The following AKAP13 variants were observed in gnomAD, a reference collection of about 807,000 sequenced individuals.
AKAP13 encodes A-kinase anchoring protein 13.
A neutral mutation model predicts 264.5 loss-of-function variants in AKAP13; 80 were observed. That is an observed-to-expected ratio of 0.30 (90% CI 0.25 to 0.36). AKAP13 has a LOEUF of 0.36. Among genes scored for constraint, AKAP13 ranks in the 10% least tolerant of loss-of-function variants. The pLI is 1.00. For synonymous variants in AKAP13, 1,380 were observed against 1,250.2 expected (o/e 1.10, Z -2.19); for missense variants, 3,712 against 3,435.2 (o/e 1.08, Z -2.01).
Position 85,581,452 on chromosome 15 carries a change from C to T in AKAP13, c.3384C>T (p.Ala1128=), listed in dbSNP as rs200852061. ...PNVLLSQEKN[A]VLGLPVALQD... is the part of the protein sequence containing the mutation. ...TCTTGTTGAGCCAAGAGAAGAATGC[C>T]GTTCTAGGTTTGCCAGTGGCTCTAC... The change falls in exon 7 of 37, where the codon GCC becomes GCT. Residue 1128 remains alanine, a synonymous_variant. Coordinates refer to ENST00000394518, the MANE Select transcript of AKAP13 (RefSeq NM_007200.5). 2.4e-5 allele frequency: 38 copies of T among 1,614,190 alleles called. No homozygotes were observed. In the Admixed American group the frequency reaches 3.3e-4, roughly 14 times the overall value.
At chr15:85,421,935 A>G (rs1397544921) in intron 1 of AKAP13, among the ~76,000 whole-genome samples, 1 of 152,196 alleles carries the variant, frequency 6.6e-6, no homozygotes, top group Non-Finnish European at 1.5e-5. Context: ...TCTATACTCT[A>G]TCTCTCATAT....
chr15:85,749,277 T>A lies in AKAP13; in HGVS notation c.*4600T>A, dbSNP rs1015950331. ...TACTGGCTTCGTATTTTATTTATCT[T>A]TCTTTCTAGTTACCAGCTTCAGACC... is the stretch of plus-strand genomic sequence containing the variant. On this transcript the variant is annotated 3_prime_UTR_variant, in exon 37 of 37. Coordinates refer to ENST00000394518, the MANE Select transcript of AKAP13 (RefSeq NM_007200.5). The A allele has an allele frequency of 3.9e-5, 6 of 152,236 alleles. No homozygotes were observed. Among genetic ancestry groups the A allele is most frequent in the East Asian group, 3.8e-4 (2 of 5,202 alleles). 9.4% of individuals were successfully genotyped at this position (152,236 alleles called of 1,614,324 possible). A position where few individuals can be genotyped will look rare whatever the true frequency, so the allele number is the denominator to read the frequency against.
chr15:85,383,495 A>G (rs2070395201), intron 1 of AKAP13, among the ~76,000 whole-genome samples: 1 of 152,236 alleles, frequency 6.6e-6, no homozygotes, highest in Non-Finnish European at 1.5e-5. Flanking sequence ...GTACATTTTT[A>G]CATGACTTAA....
chr15:85,506,246 T>C (rs1056119339), intron 2 of AKAP13, among the ~76,000 whole-genome samples: 1 of 152,160 alleles, frequency 6.6e-6, no homozygotes, highest in Non-Finnish European at 1.5e-5. Context: ...ATTGTGCCAC[T>C]GCACTCCAGC....
At chr15:85,717,258 T>G in intron 20 of AKAP13, 32 bp from the exon 21 acceptor site, 1 of 1,399,600 alleles carries the variant, frequency 7.1e-7, no homozygotes, top group Middle Eastern at 1.8e-4. Context: ...TCAGAATGTA[T>G]TTGACAGTAT....
intron 8 of AKAP13, chr15:85,620,317 C>T (rs2081125958): frequency 2.7e-6 from 2 of 731,788 alleles, no homozygotes; most frequent in Admixed American, 2.6e-5. Flanking sequence ...TGAATGTAAG[C>T]CTCTTAAAGG....
chr15:85,500,804 C>A (rs933657842), intron 2 of AKAP13, among the ~76,000 whole-genome samples: 1 of 152,174 alleles, frequency 6.6e-6, no homozygotes, highest in African/African-American at 2.4e-5. Context: ...CCTTTTTAAA[C>A]CAGGAAAGAG....
At chr15:85,642,046 AC>A (rs2082332166) in intron 9 of AKAP13, among the ~76,000 whole-genome samples, 2 of 152,246 alleles carry the variant, frequency 1.3e-5, no homozygotes, top group Non-Finnish European at 2.9e-5. Flanking sequence ...AGACAGATTT[AC>A]ATATGGGTCA....
intron 17 of AKAP13, among the ~76,000 whole-genome samples, chr15:85,696,927 A>G (rs1242024584): frequency 1.3e-5 from 2 of 152,184 alleles, no homozygotes; most frequent in East Asian, 3.9e-4. Context: ...AGTGGCCTTC[A>G]GAAGCAGAAA....
At chr15:85,406,339 G>T (rs554528464) in intron 1 of AKAP13, among the ~76,000 whole-genome samples, 1 of 151,800 alleles carries the variant, frequency 6.6e-6, no homozygotes, top group African/African-American at 2.4e-5. Context: ...TTTTATGATT[G>T]TGGTTTCAAG....
intron 14 of AKAP13, chr15:85,670,902 T>C (rs937232081): frequency 6.6e-6 from 1 of 152,204 alleles, no homozygotes; most frequent in Non-Finnish European, 1.5e-5. Flanking sequence ...AAAACATACT[T>C]GGATTGGATC....
intron 7 of AKAP13, chr15:85,583,182 T>G: frequency 2.0e-6 from 2 of 985,106 alleles, no homozygotes; most frequent in South Asian, 4.7e-5. Flanking sequence ...GCAGCCTGTT[T>G]TGTCTTTATT....
Position 85,455,575 on chromosome 15 carries a change from G to T in AKAP13, c.-11-30135G>T, listed in dbSNP as rs149044963. 8.2e-4 allele frequency among the ~76,000 whole-genome samples: 124 copies of T among 151,874 alleles called. 1 individual carries two copies. The highest frequency in any genetic ancestry group is 2.8e-3 in the African/African-American group (114 of 41,438). On this transcript the variant is annotated intron_variant, in intron 1 of 36. Coordinates refer to ENST00000394518, the MANE Select transcript of AKAP13 (RefSeq NM_007200.5). ...TCACAGCAATAACATAGGGGATTTG[G>T]GCATAGGTTTTACTCAAATTCAGAC...
At chr15:85,692,371 T>A (rs990501515) in intron 16 of AKAP13, among the ~76,000 whole-genome samples, 1 of 152,202 alleles carries the variant, frequency 6.6e-6, no homozygotes, top group African/African-American at 2.4e-5. Context: ...TCATATGTTT[T>A]AAAAAACATA....
Position 85,581,279 on chromosome 15 carries a change from A to G in AKAP13, c.3211A>G (p.Asn1071Asp), listed in dbSNP as rs757886090. 5 of 1,614,198 alleles carry G rather than the reference A, an allele frequency of 3.1e-6. No homozygotes were observed. Among genetic ancestry groups the G allele is most frequent in the Non-Finnish European group, 4.2e-6 (5 of 1,180,028 alleles). ...TTCTCCTCTGGATGTTGGAGTGAAGAACACTCAATCCCAGGGAAAAACTAG... is the reference window on the plus strand; with the variant it reads ...TTCTCCTCTGGATGTTGGAGTGAAGGACACTCAATCCCAGGGAAAAACTAG... ...QPSPLDVGVK[N>D]TQSQGKTSAC... The change falls in exon 7 of 37, where the codon AAC becomes GAC. Residue 1071 changes from asparagine to aspartate, a missense_variant. Around this residue, in one of 3 missense-constraint regions of AKAP13, gnomAD observed 2,759 missense variants for 2,411.7 expected, o/e 1.14. Transcript: ENST00000394518.
Position 85,497,502 on chromosome 15 carries a change from T to C in AKAP13, c.33+11749T>C, listed in dbSNP as rs184914940. 7.2e-3 allele frequency among the ~76,000 whole-genome samples: 1,094 copies of C among 152,088 alleles called. 4 individuals carry two copies. The highest frequency in any genetic ancestry group is 0.02 in the Middle Eastern group (6 of 294). On this transcript the variant is annotated intron_variant, in intron 2 of 36. Transcript: ENST00000394518. ...AGAGTGAGAGGAGGAAGCACAGTCT[T>C]TGGAGTAAGGCATGGAAGAGTGTTA...
chr15:85,598,168 A>G (rs2079900722), intron 8 of AKAP13, among the ~76,000 whole-genome samples: 1 of 152,152 alleles, frequency 6.6e-6, no homozygotes, highest in African/African-American at 2.4e-5. Context: ...GGGCCTGAAG[A>G]CAATGGGTTG....
intron 3 of AKAP13, among the ~76,000 whole-genome samples, chr15:85,532,893 G>A (rs1267906969): frequency 6.6e-6 from 1 of 152,126 alleles, no homozygotes; most frequent in Non-Finnish European, 1.5e-5. Flanking sequence ...TCCTGAACTG[G>A]GCTCCCAGCC....
At chr15:85,533,461 G>A (rs1342084890) in intron 3 of AKAP13, 123 bp from the exon 4 acceptor site, 4 of 854,376 alleles carry the variant, frequency 4.7e-6, no homozygotes, top group Non-Finnish European at 6.7e-6. Flanking sequence ...CAAGAGGAAG[G>A]AGGGGGTGTT....
Sources: gnomAD v4.1 joint callset for allele counts (sites outside exome capture counted in the v4.1 genomes callset) on GRCh38, gnomAD v4.1.1 for gene constraint, gnomAD v4.1.1 regional missense constraint, MANE v1.5 for transcripts, NCBI Gene and HGNC (gene_info 2026-07-23, HGNC 2026-07-21) for gene names.